SEMA6D: variants seen among roughly 807,000 people sequenced by gnomAD.
SEMA6D encodes the protein semaphorin-6D.
In SEMA6D, 35 loss-of-function variants were observed where a neutral mutation model predicts 106.6. That is an observed-to-expected ratio of 0.33 (90% confidence interval 0.25 to 0.44). The LOEUF is 0.44. Ranked by LOEUF, SEMA6D falls within the 20% of genes least tolerant of loss-of-function variation. The probability of loss-of-function intolerance (pLI) is 1.00; values close to 1 mark genes in which losing one functional copy is unlikely to be tolerated. For missense variants in SEMA6D, 1,185 were observed against 1,345.9 expected (o/e 0.88, Z 1.87); for synonymous variants, 499 against 487.7 (o/e 1.02, Z -0.31).
chr15:47,307,993 A>G (rs1292098610), intron 1 of SEMA6D, among the ~76,000 whole-genome samples: 4 of 149,888 alleles, frequency 2.7e-5, no homozygotes, highest in African/African-American at 4.9e-5. Context: ...GATTTTTTAC[A>G]TGTTTGTTGC....
intron 4 of SEMA6D, among the ~76,000 whole-genome samples, chr15:47,647,719 CAAAA>C (rs777557315): frequency 2.1e-5 from 2 of 93,772 alleles, no homozygotes. Flanking sequence ...CAATTGTGGG[CAAAA>C]AAAAAAAAAA....
intron 17 of SEMA6D, among the ~76,000 whole-genome samples, chr15:47,768,247 C>G (rs938477046): frequency 2.6e-5 from 4 of 152,176 alleles, no homozygotes; most frequent in African/African-American, 4.8e-5. Context: ...GAAATGATGT[C>G]TCACAAGAGA....
At chr15:47,566,768 A>G (rs552336897) in intron 3 of SEMA6D, among the ~76,000 whole-genome samples, 8 of 152,340 alleles carry the variant, frequency 5.3e-5, no homozygotes, top group Non-Finnish European at 7.3e-5. Flanking sequence ...TGAGAATTCA[A>G]TGAGCTAACG....
intron 1 of SEMA6D, among the ~76,000 whole-genome samples, chr15:47,362,840 G>A (rs143417520): frequency 5.9e-5 from 9 of 152,244 alleles, no homozygotes; most frequent in East Asian, 1.9e-4. Context: ...TGAGTTTGTC[G>A]AATTATAGAG....
intron 2 of SEMA6D, among the ~76,000 whole-genome samples, chr15:47,425,667 A>G (rs73405092): frequency 0.2 from 30,100 of 148,770 alleles, 3,340 homozygotes; most frequent in South Asian, 0.37. Context: ...TATTTAAGAT[A>G]CTTTCTTTTT....
intron 2 of SEMA6D, among the ~76,000 whole-genome samples, chr15:47,445,480 A>G (rs1270756997): frequency 6.6e-6 from 1 of 152,038 alleles, no homozygotes; most frequent in Non-Finnish European, 1.5e-5. Flanking sequence ...GCAACTCTTC[A>G]TTTTAACCTA....
intron 3 of SEMA6D, among the ~76,000 whole-genome samples, chr15:47,553,469 T>G (rs910555869): frequency 2.6e-5 from 4 of 152,170 alleles, no homozygotes; most frequent in Admixed American, 6.5e-5. Context: ...CCCTTTTCCT[T>G]TTGGCTGGCA....
Position 47,658,494 on chromosome 15 carries a change from C to T in SEMA6D, c.-55+57598C>T. ...ATGTGAAAAAAATATGTAGCTTAGA[C>T]TTAAAGAAGTGATATAAGACCCCTG... On this transcript the variant is annotated intron_variant, in intron 4 of 19. Transcript: ENST00000558014. Among the ~76,000 whole-genome samples the T allele has an allele frequency of 1.3e-5, 2 of 152,150 alleles. 1 individual carries two copies. The highest frequency in any genetic ancestry group is 3.8e-4 in the East Asian group (2 of 5,196).
At chr15:47,292,732 C>T (rs1384369815) in intron 1 of SEMA6D, among the ~76,000 whole-genome samples, 4 of 152,124 alleles carry the variant, frequency 2.6e-5, no homozygotes, top group African/African-American at 7.2e-5. Context: ...TTGTGTAGTC[C>T]ATGAAGACTG....
chr15:47,391,428 C>G lies in SEMA6D; in HGVS notation c.-238-20965C>G, dbSNP rs530805446. Reference sequence around the variant, plus strand: ...CCTGCTGGAGCTTATGTGATGGTTCCAAGGATCAATCCATCAGACAATGGT... The same window carrying G: ...CCTGCTGGAGCTTATGTGATGGTTCGAAGGATCAATCCATCAGACAATGGT... On this transcript the variant is annotated intron_variant, in intron 1 of 19. Transcript: ENST00000558014. Among the ~76,000 whole-genome samples, 16 of 152,220 alleles carry G rather than the reference C, an allele frequency of 1.1e-4. No homozygotes were observed. In the South Asian group the frequency reaches 3.1e-3, roughly 30 times the overall value.
Position 47,279,880 on chromosome 15 carries a change from C to T in SEMA6D, c.-239+95462C>T, listed in dbSNP as rs559336645. 1.4e-4 allele frequency among the ~76,000 whole-genome samples: 21 copies of T among 149,908 alleles called. No individual in the cohort carries two copies. The South Asian group carries it at 4.6e-3, about 33-fold the overall frequency. On this transcript the variant is annotated intron_variant, in intron 1 of 19. Coordinates refer to the SEMA6D transcript ENST00000558014. ...CCTTGCATCCCAGGGATGAAGACCA[C>T]TTGATCATGGTGGATAAGCTTTTTG... is the stretch of plus-strand genomic sequence containing the variant.
chr15:47,351,327 C>A (rs774525673), intron 1 of SEMA6D, among the ~76,000 whole-genome samples: 1 of 152,070 alleles, frequency 6.6e-6, no homozygotes, highest in Non-Finnish European at 1.5e-5. Flanking sequence ...TAATTGAGTT[C>A]TAAAGGTTAA....
intron 4 of SEMA6D, among the ~76,000 whole-genome samples, chr15:47,668,436 G>A (rs1487880801): frequency 6.6e-6 from 1 of 152,146 alleles, no homozygotes; most frequent in African/African-American, 2.4e-5. Flanking sequence ...GGTATAAAGA[G>A]CTGCGTAATA....
chr15:47,229,982 A>T (rs530453866), intron 1 of SEMA6D, among the ~76,000 whole-genome samples: 5 of 152,260 alleles, frequency 3.3e-5, no homozygotes, highest in South Asian at 4.1e-4. Context: ...CAAATAGTGC[A>T]TGAAACTTTA....
At chr15:47,397,377 C>G (rs1487368249) in intron 1 of SEMA6D, 1 of 152,130 alleles carries the variant, frequency 6.6e-6, no homozygotes, top group African/African-American at 2.4e-5. Context: ...CCCTAGATTG[C>G]AGGCCTTATG....
chr15:47,335,182 C>T (rs984438338), intron 1 of SEMA6D, among the ~76,000 whole-genome samples: 5 of 152,000 alleles, frequency 3.3e-5, no homozygotes, highest in African/African-American at 1.2e-4. Context: ...GGAATTATCT[C>T]GTTTTGTGGA....
intron 1 of SEMA6D, among the ~76,000 whole-genome samples, chr15:47,350,566 A>G (rs1486899): frequency 0.47 from 71,043 of 152,056 alleles, 19,717 homozygotes; most frequent in South Asian, 0.61. Flanking sequence ...CTTTCCACTT[A>G]AACACGATTT....
At chr15:47,559,771 AGAGG>A (rs1836835410) in intron 3 of SEMA6D, among the ~76,000 whole-genome samples, 3 of 152,166 alleles carry the variant, frequency 2.0e-5, no homozygotes, top group Non-Finnish European at 4.4e-5. Flanking sequence ...ACACATTCTC[AGAGG>A]CAATAGAAGA....
chr15:47,730,237 A>G (rs922647536), intron 1 of SEMA6D: 3 of 1,529,368 alleles, frequency 2.0e-6, no homozygotes, highest in African/African-American at 2.7e-5. Flanking sequence ...CGCCCCAGTG[A>G]CGGCGGATCT....
Sources: gnomAD v4.1 joint callset for allele counts (sites outside exome capture counted in the v4.1 genomes callset) on GRCh38, gnomAD v4.1.1 for gene constraint, MANE v1.5 for transcripts, NCBI Gene and HGNC (gene_info 2026-07-23, HGNC 2026-07-21) for gene names.